The following GRID1 variants were observed in gnomAD, a reference collection of about 807,000 sequenced individuals.
GRID1 encodes glutamate ionotropic receptor delta type subunit 1, also known as glutamate receptor ionotropic, delta-1.
In GRID1, 28 loss-of-function variants were observed where a neutral mutation model predicts 98.0. That is an observed-to-expected ratio of 0.29 (90% CI 0.21 to 0.39). The LOEUF (loss-of-function observed/expected upper bound fraction) is 0.39. Among genes scored for constraint, GRID1 ranks in the 10% least tolerant of loss-of-function variants. The pLI, the probability that GRID1 is intolerant of heterozygous loss-of-function variation, is 1.00. For missense variants in GRID1, 1,111 were observed against 1,340.5 expected (o/e 0.83, Z 2.67); for synonymous variants, 553 against 538.5 (o/e 1.03, Z -0.37).
At chr10:86,033,794 C>A (rs1327477224) in intron 4 of GRID1, among the ~76,000 whole-genome samples, 2 of 152,200 alleles carry the variant, frequency 1.3e-5, no homozygotes, top group African/African-American at 4.8e-5. Context: ...AAATGGTAAC[C>A]ACTCCTACCA....
At chr10:86,359,470 CTCTG>C (rs1345152285) in intron 2 of GRID1, among the ~76,000 whole-genome samples, 1 of 152,176 alleles carries the variant, frequency 6.6e-6, no homozygotes, top group African/African-American at 2.4e-5. Flanking sequence ...CCAACAAGCT[CTCTG>C]TGTTTCATTT....
intron 12 of GRID1, among the ~76,000 whole-genome samples, chr10:85,679,682 G>A (rs907667367): frequency 6.6e-6 from 1 of 152,214 alleles, no homozygotes; most frequent in Non-Finnish European, 1.5e-5. Flanking sequence ...CAGGAGAATG[G>A]AAGTGGATGA....
In GRID1 at chr10:85,997,705, C is replaced by T. The variant is rs149076232; in HGVS notation, c.727-81466G>A. On this transcript the variant is annotated intron_variant, in intron 4 of 15. Transcript: ENST00000327946. ...AAACAGAAAACAAGAAAAGGGAAGACGTAAATCTAAAGAAATTACTAAATG... is the reference window on the plus strand; with the variant it reads ...AAACAGAAAACAAGAAAAGGGAAGATGTAAATCTAAAGAAATTACTAAATG... Among the ~76,000 whole-genome samples the T allele has an allele frequency of 8.8e-3, 1,331 of 151,734 alleles. 24 individuals carry two copies. Among genetic ancestry groups the T allele is most frequent in the African/African-American group, 0.03 (1,234 of 41,356 alleles).
chr10:86,039,090 A>G (rs1406642072), intron 4 of GRID1, among the ~76,000 whole-genome samples: 1 of 152,048 alleles, frequency 6.6e-6, no homozygotes, highest in Admixed American at 6.5e-5. Flanking sequence ...AGACTATTCC[A>G]TTGTCTCCTA....
At chr10:85,940,437 A>G (rs6585990) in intron 4 of GRID1, among the ~76,000 whole-genome samples, 91,858 of 151,976 alleles carry the variant, frequency 0.6, 27,936 homozygotes, top group Middle Eastern at 0.73. Flanking sequence ...GCTGCTGGCA[A>G]CCCTCTCCAA....
At position 85,602,611 on chromosome 10, in the gene GRID1, T is replaced by C; in HGVS notation, c.2692A>G (p.Ile898Val). ...IAHKQISPAS[I>V]ELSALEMGGL... is the part of the protein sequence containing the mutation. The stretch of plus-strand genomic sequence containing the variant: ...CCCATCTCCAGGGCCGAGAGCTCAA[T>C]CGACGCTGGGGAAATCTGCTTGTGA... The change falls in exon 16 of 16, where the codon ATT (isoleucine) becomes GTT (valine). Residue 898 changes from isoleucine (I) to valine (V), a missense_variant. This residue lies in a region of GRID1 where 762 missense variants were observed against 869.1 expected (regional missense o/e 0.88). Transcript: ENST00000327946. 6.2e-7 allele frequency: 1 copy of C among 1,614,030 alleles called. No homozygotes were observed. Among genetic ancestry groups the C allele is most frequent in the Non-Finnish European group, 8.5e-7 (1 of 1,179,984 alleles).
At chr10:86,295,180 C>T (rs994885645) in intron 2 of GRID1, among the ~76,000 whole-genome samples, 2 of 152,034 alleles carry the variant, frequency 1.3e-5, no homozygotes, top group Non-Finnish European at 2.9e-5. Context: ...GCAGAGGAGA[C>T]GCAGAGGACA....
At chr10:86,069,984 C>T (rs117197289) in intron 4 of GRID1, among the ~76,000 whole-genome samples, 4 of 152,120 alleles carry the variant, frequency 2.6e-5, no homozygotes, top group Non-Finnish European at 4.4e-5. Context: ...CATTGTGGGT[C>T]GTGATATGGT....
intron 2 of GRID1, among the ~76,000 whole-genome samples, chr10:86,245,630 A>T (rs1846714578): frequency 6.6e-6 from 1 of 152,246 alleles, no homozygotes; most frequent in South Asian, 2.1e-4. Flanking sequence ...CCCCACCCAA[A>T]GGAACTGCCT....
intron 2 of GRID1, among the ~76,000 whole-genome samples, chr10:86,328,700 C>T (rs7914913): frequency 6.6e-6 from 1 of 152,106 alleles, no homozygotes; most frequent in Non-Finnish European, 1.5e-5. Context: ...TATCTCACAT[C>T]CCCAGAAATG....
At chr10:86,302,063 T>C (rs999963556) in intron 2 of GRID1, among the ~76,000 whole-genome samples, 7 of 152,234 alleles carry the variant, frequency 4.6e-5, no homozygotes, top group Non-Finnish European at 8.8e-5. Flanking sequence ...CACCTACTTC[T>C]GTGCTAAAAG....
chr10:86,034,150 T>G (rs951734211), intron 4 of GRID1, among the ~76,000 whole-genome samples: 1 of 152,250 alleles, frequency 6.6e-6, no homozygotes, highest in Non-Finnish European at 1.5e-5. Context: ...CTTATAGATG[T>G]GCTAACGTAG....
At chr10:86,075,488 C>T (rs1843867824) in intron 4 of GRID1, among the ~76,000 whole-genome samples, 3 of 152,136 alleles carry the variant, frequency 2.0e-5, no homozygotes, top group Admixed American at 2.0e-4. Flanking sequence ...CAGAAGGAAC[C>T]AATCCTGCCA....
chr10:85,844,335 T>C (rs1842986617), intron 8 of GRID1, among the ~76,000 whole-genome samples: 2 of 151,390 alleles, frequency 1.3e-5, no homozygotes. Context: ...GGGGAAGGAA[T>C]CTTCTTGGTA....
Position 85,916,391 on chromosome 10 carries a change from T to A in GRID1, c.727-152A>T. 1 of 683,388 alleles carries A rather than the reference T, an allele frequency of 1.5e-6. No homozygotes were observed. Among genetic ancestry groups the A allele is most frequent in the Non-Finnish European group, 2.6e-6 (1 of 383,110 alleles). The allele number at this position is 683,388 out of a possible 1,614,324, so 42.3% of individuals were successfully genotyped here. A position where few individuals can be genotyped will look rare whatever the true frequency, so the allele number is the denominator to read the frequency against. On this transcript the variant is annotated intron_variant, in intron 4 of 15. Transcript: ENST00000327946. The surrounding 1 kb of genome is among the most constrained non-coding windows in gnomAD (Gnocchi z 4.0). ...CCCCCTGGGGCCTGCTCTGGCTGCC[T>A]TAGCTGCAAGAAGCTTCATCTGAAC...
At chr10:85,732,798 G>T (rs1163178202) in intron 8 of GRID1, among the ~76,000 whole-genome samples, 1 of 151,974 alleles carries the variant, frequency 6.6e-6, no homozygotes, top group Non-Finnish European at 1.5e-5. Flanking sequence ...TTTCAGCTTG[G>T]CCTAAAAGAA....
At chr10:86,089,720 A>C (rs898596850) in intron 4 of GRID1, among the ~76,000 whole-genome samples, 8 of 152,150 alleles carry the variant, frequency 5.3e-5, no homozygotes, top group African/African-American at 1.9e-4. Context: ...AGGAAATACA[A>C]TATATAAAGA....
At chr10:86,313,963 C>T (rs1186834217) in intron 2 of GRID1, among the ~76,000 whole-genome samples, 1 of 152,244 alleles carries the variant, frequency 6.6e-6, no homozygotes, top group Non-Finnish European at 1.5e-5. Flanking sequence ...TCCTTTCAAG[C>T]TGACTGGCTT....
At chr10:85,961,909 CA>C (rs1259001764) in intron 4 of GRID1, among the ~76,000 whole-genome samples, 1 of 142,200 alleles carries the variant, frequency 7.0e-6, no homozygotes, top group African/African-American at 2.6e-5. Flanking sequence ...GGAGAAAGAA[CA>C]AAGGAAGAAA....
Sources: gnomAD v4.1 joint callset for allele counts (sites outside exome capture counted in the v4.1 genomes callset) on GRCh38, gnomAD v4.1.1 for gene constraint, gnomAD v4.1.1 regional missense constraint, Gnocchi (gnomAD v3.1) non-coding constraint, MANE v1.5 for transcripts, NCBI Gene and HGNC (gene_info 2026-07-23, HGNC 2026-07-21) for gene names.